Variants in TUBB2B observed in about 807,000 individuals in gnomAD.
TUBB2B encodes the protein tubulin beta-2B chain.
A neutral mutation model predicts 35.0 loss-of-function variants in TUBB2B; 5 were observed. That is an observed-to-expected ratio of 0.14 (90% CI 0.07 to 0.30). TUBB2B has a LOEUF of 0.30. Among genes scored for constraint, TUBB2B ranks in the 10% least tolerant of loss-of-function variants. The pLI, the probability that TUBB2B is intolerant of heterozygous loss-of-function variation, is 1.00. For synonymous variants in TUBB2B, 166 were observed against 250.5 expected, an observed-to-expected ratio of 0.66 and a Z score of 3.18; for missense variants, 63 against 601.8, an observed-to-expected ratio of 0.10 and a Z score of 9.37.
rs752522339 is a variant in TUBB2B, at chr6:3,227,619, T to G, written c.-76A>C. 1.0e-5 allele frequency: 16 copies of G among 1,579,546 alleles called. No homozygotes were observed. The highest frequency in any genetic ancestry group is 1.3e-5 in the Non-Finnish European group (15 of 1,162,384). On this transcript the variant is annotated 5_prime_UTR_variant, in exon 1 of 4. Coordinates refer to ENST00000259818, the MANE Select transcript of TUBB2B (RefSeq NM_178012.5). This position sits in a 1 kb window ranked among gnomAD's most constrained non-coding sequence, Gnocchi z 7.8. Reference sequence around the variant, plus strand: ...CTCCCCTCACACACCCACTGCGGGGTCACCGGGAAGGCGCTCGGGAACCGA... The same window carrying G: ...CTCCCCTCACACACCCACTGCGGGGGCACCGGGAAGGCGCTCGGGAACCGA...
In TUBB2B at chr6:3,224,856, G is replaced by A. The variant is rs1422580679; in HGVS notation, c.1233C>T (p.Ala411=). 1.9e-6 allele frequency: 3 copies of A among 1,609,512 alleles called. No individual in the cohort carries two copies. Among genetic ancestry groups the A allele is most frequent in the African/African-American group, 2.7e-5 (2 of 73,696 alleles). ...ACACCAGGTCGTTCATGTTGCTCTC[G>A]GCCTCGGTGAACTCCATCTCGTCCA... ...EGMDEMEFTE[A]ESNMNDLVSE... The change falls in exon 4 of 4, where the codon GCC becomes GCT. Residue 411 remains alanine, a synonymous_variant. Transcript: ENST00000259818.
At position 3,226,126 on chromosome 6, in the gene TUBB2B, T is replaced by TCC. The variant is rs749112405; in HGVS notation, c.277+31_277+32dup. On this transcript the variant is annotated intron_variant, in intron 3 of 3. Coordinates refer to ENST00000259818, the MANE Select transcript of TUBB2B (RefSeq NM_178012.5). The surrounding 1 kb of genome is among the most constrained non-coding windows in gnomAD (Gnocchi z 5.5). ...CCTCCACTGCCCAGCGTAAAATGAA[T>TCC]CCCTCATGCTCTCAGCCACACCAGG... The TCC allele has an allele frequency of 6.3e-7, 1 of 1,579,526 alleles. No homozygotes were observed. Among genetic ancestry groups the TCC allele is most frequent in the South Asian group, 1.1e-5 (1 of 90,264 alleles).
At position 3,226,077 on chromosome 6, in the gene TUBB2B, C is replaced by G. The variant is rs528743674; in HGVS notation, c.277+82G>C. ...CACCGCGGATGTTCTTCATGCTTTCCCTCTGGCAATCACACCTCTTCAGCC... is the reference window on the plus strand; with the variant it reads ...CACCGCGGATGTTCTTCATGCTTTCGCTCTGGCAATCACACCTCTTCAGCC... On this transcript the variant is annotated intron_variant, in intron 3 of 3. Coordinates refer to ENST00000259818, the MANE Select transcript of TUBB2B (RefSeq NM_178012.5). This position sits in a 1 kb window ranked among gnomAD's most constrained non-coding sequence, Gnocchi z 5.5. 3.5e-6 allele frequency: 5 copies of G among 1,428,690 alleles called. No individual in the cohort carries two copies. The East Asian group carries it at 6.8e-5, about 20-fold the overall frequency. The allele number at this position is 1,428,690 out of a possible 1,614,324, so 88.5% of individuals were successfully genotyped here.
chr6:3,225,886 A>G, intron 3 of TUBB2B, 75 bp from the exon 4 acceptor site: 2 of 1,595,578 alleles, frequency 1.3e-6, no homozygotes, highest in Non-Finnish European at 1.7e-6. Context: ...CTCAATATAG[A>G]TCAGTGAGTC....
At position 3,226,057 on chromosome 6, in the gene TUBB2B, C is replaced by G. The variant is rs1757284102; in HGVS notation, c.277+102G>C. On this transcript the variant is annotated intron_variant, in intron 3 of 3. Coordinates refer to ENST00000259818, the MANE Select transcript of TUBB2B (RefSeq NM_178012.5). This position sits in a 1 kb window ranked among gnomAD's most constrained non-coding sequence, Gnocchi z 5.5. ...ATATTAAAGCTAAGTTGGCACACCGCGGATGTTCTTCATGCTTTCCCTCTG... is the reference window on the plus strand; with the variant it reads ...ATATTAAAGCTAAGTTGGCACACCGGGGATGTTCTTCATGCTTTCCCTCTG... 3 of 1,378,448 alleles carry G rather than the reference C, an allele frequency of 2.2e-6. No homozygotes were observed. The highest frequency in any genetic ancestry group is 3.1e-6 in the Non-Finnish European group (3 of 973,592). The allele number at this position is 1,378,448 out of a possible 1,614,324, so 85.4% of individuals were successfully genotyped here. A position where few individuals can be genotyped will look rare whatever the true frequency, so the allele number is the denominator to read the frequency against.
chr6:3,225,273 G>C lies in TUBB2B; in HGVS notation c.816C>G (p.Pro272=). The part of the protein sequence containing the change: ...RLHFFMPGFA[P]LTSRGSQQYR... ...ACTGCTGGCTGCCCCGGCTGGTCAG[G>C]GGCGCGAAGCCGGGCATGAAGAAGT... is the stretch of plus-strand genomic sequence containing the variant. The change falls in exon 4 of 4, where the codon CCC becomes CCG. Residue 272 remains proline, a synonymous_variant. Transcript: ENST00000259818. 1 of 1,485,656 alleles carries C rather than the reference G, an allele frequency of 6.7e-7. No homozygotes were observed. The highest frequency in any genetic ancestry group is 9.0e-7 in the Non-Finnish European group (1 of 1,111,806). The allele number at this position is 1,485,656 out of a possible 1,614,324, so 92.0% of individuals were successfully genotyped here.
chr6:3,226,131 C>G lies in TUBB2B; in HGVS notation c.277+28G>C. 6.3e-7 allele frequency: 1 copy of G among 1,593,038 alleles called. No homozygotes were observed. The highest frequency in any genetic ancestry group is 8.6e-7 in the Non-Finnish European group (1 of 1,161,728). ...ACTGCCCAGCGTAAAATGAATCCCT[C>G]ATGCTCTCAGCCACACCAGGCACTC... On this transcript the variant is annotated intron_variant, in intron 3 of 3. Transcript: ENST00000259818. This position sits in a 1 kb window ranked among gnomAD's most constrained non-coding sequence, Gnocchi z 5.5.
In TUBB2B at chr6:3,226,069, A is replaced by G; in HGVS notation, c.277+90T>C. On this transcript the variant is annotated intron_variant, in intron 3 of 3. Coordinates refer to ENST00000259818, the MANE Select transcript of TUBB2B (RefSeq NM_178012.5). The surrounding 1 kb of genome is among the most constrained non-coding windows in gnomAD (Gnocchi z 5.5). ...AGTTGGCACACCGCGGATGTTCTTC[A>G]TGCTTTCCCTCTGGCAATCACACCT... The G allele has an allele frequency of 1.4e-6, 2 of 1,413,614 alleles. No homozygotes were observed. The highest frequency in any genetic ancestry group is 1.0e-6 in the Non-Finnish European group (1 of 1,002,860). 87.6% of individuals were successfully genotyped at this position (1,413,614 alleles called of 1,614,324 possible).
chr6:3,227,353 G>C lies in TUBB2B; in HGVS notation c.57+134C>G. The C allele has an allele frequency of 8.3e-7, 1 of 1,199,176 alleles. No individual in the cohort carries two copies. Among genetic ancestry groups the C allele is most frequent in the Non-Finnish European group, 1.2e-6 (1 of 857,900 alleles). 74.3% of individuals were successfully genotyped at this position (1,199,176 alleles called of 1,614,324 possible). ...TCACCTCCTAGCCCAGGCCACACTC[G>C]GCGGCACAAAGCGGCCAGGAAGGTC... On this transcript the variant is annotated intron_variant, in intron 1 of 3. Transcript: ENST00000259818. The surrounding 1 kb of genome is among the most constrained non-coding windows in gnomAD (Gnocchi z 7.8).
chr6:3,227,514 G>T lies in TUBB2B; in HGVS notation c.30C>A (p.Gly10=). 1 of 1,609,990 alleles carries T rather than the reference G, an allele frequency of 6.2e-7. No homozygotes were observed. Residue 10 remains glycine, a synonymous_variant, in exon 1 of 4, where the codon GGC becomes GGA. Coordinates refer to ENST00000259818, the MANE Select transcript of TUBB2B (RefSeq NM_178012.5). This position sits in a 1 kb window ranked among gnomAD's most constrained non-coding sequence, Gnocchi z 7.8. MREIVHIQA[G]QCGNQIGAKF... is the part of the protein sequence containing the mutation. ...TGGCGCCGATCTGGTTGCCGCACTG[G>T]CCCGCCTGGATGTGCACGATCTCAC... is the stretch of plus-strand genomic sequence containing the variant.
chr6:3,226,067 T>C lies in TUBB2B; in HGVS notation c.277+92A>G, dbSNP rs1757284137. 1 of 1,411,200 alleles carries C rather than the reference T, an allele frequency of 7.1e-7. No individual in the cohort carries two copies. The allele number at this position is 1,411,200 out of a possible 1,614,324, so 87.4% of individuals were successfully genotyped here. The stretch of plus-strand genomic sequence containing the variant: ...TAAGTTGGCACACCGCGGATGTTCT[T>C]CATGCTTTCCCTCTGGCAATCACAC... On this transcript the variant is annotated intron_variant, in intron 3 of 3. Transcript: ENST00000259818. This position sits in a 1 kb window ranked among gnomAD's most constrained non-coding sequence, Gnocchi z 5.5.
In TUBB2B at chr6:3,226,418, A is replaced by G. The variant is rs1757288339; in HGVS notation, c.166+143T>C. On this transcript the variant is annotated intron_variant, in intron 2 of 3. Transcript: ENST00000259818. This position sits in a 1 kb window ranked among gnomAD's most constrained non-coding sequence, Gnocchi z 5.5. ...GGGCTCTGTTGGCATAAGGAAGCCC[A>G]ATGAAATACTGCAGGGAAAGAGCGG... 9.7e-7 allele frequency: 1 copy of G among 1,035,272 alleles called. No homozygotes were observed. The highest frequency in any genetic ancestry group is 1.6e-5 in the African/African-American group (1 of 63,830). 64.1% of individuals were successfully genotyped at this position (1,035,272 alleles called of 1,614,324 possible).
rs1469771855 is a variant in TUBB2B at position 3,226,310 on chromosome 6, C to T, written c.167-41G>A. 5.1e-6 allele frequency: 8 copies of T among 1,564,470 alleles called. No homozygotes were observed. Among genetic ancestry groups the T allele is most frequent in the Non-Finnish European group, 1.8e-6 (2 of 1,136,562 alleles). On this transcript the variant is annotated intron_variant, in intron 2 of 3. Coordinates refer to ENST00000259818, the MANE Select transcript of TUBB2B (RefSeq NM_178012.5). The surrounding 1 kb of genome is among the most constrained non-coding windows in gnomAD (Gnocchi z 5.5). ...GTGACTTAGACCCTCAGGCAAGGAC[C>T]TCTGCAGAGAAGGGCTTGGCGCCTG...
Position 3,227,350 on chromosome 6 carries a change from C to A in TUBB2B, c.57+137G>T. On this transcript the variant is annotated intron_variant, in intron 1 of 3. Coordinates refer to ENST00000259818, the MANE Select transcript of TUBB2B (RefSeq NM_178012.5). The surrounding 1 kb of genome is among the most constrained non-coding windows in gnomAD (Gnocchi z 7.8). The stretch of plus-strand genomic sequence containing the variant: ...AAGTCACCTCCTAGCCCAGGCCACA[C>A]TCGGCGGCACAAAGCGGCCAGGAAG... 2 of 1,182,416 alleles carry A rather than the reference C, an allele frequency of 1.7e-6. No individual in the cohort carries two copies. The highest frequency in any genetic ancestry group is 2.4e-6 in the Non-Finnish European group (2 of 844,000). The allele number at this position is 1,182,416 out of a possible 1,614,324, so 73.2% of individuals were successfully genotyped here. A position where few individuals can be genotyped will look rare whatever the true frequency, so the allele number is the denominator to read the frequency against.
At position 3,224,743 on chromosome 6, in the gene TUBB2B, G is replaced by T; in HGVS notation, c.*8C>A. ...CTCCGCTTTCCCTAACCCGTCTCGC[G>T]GGGGCATCTACGCCTCGTCCTCGCC... On this transcript the variant is annotated 3_prime_UTR_variant, in exon 4 of 4. Coordinates refer to ENST00000259818, the MANE Select transcript of TUBB2B (RefSeq NM_178012.5). 1 of 1,613,764 alleles carries T rather than the reference G, an allele frequency of 6.2e-7. No homozygotes were observed. Among genetic ancestry groups the T allele is most frequent in the Non-Finnish European group, 8.5e-7 (1 of 1,179,862 alleles).
In TUBB2B at chr6:3,226,507, A is replaced by C; in HGVS notation, c.166+54T>G. The stretch of plus-strand genomic sequence containing the variant: ...CACCCCTGGGGTCCCACGCAAGGGA[A>C]AGGGGAGAAGGTGGAAAAACTGAAG... On this transcript the variant is annotated intron_variant, in intron 2 of 3. Coordinates refer to ENST00000259818, the MANE Select transcript of TUBB2B (RefSeq NM_178012.5). This position sits in a 1 kb window ranked among gnomAD's most constrained non-coding sequence, Gnocchi z 5.5. 6.6e-7 allele frequency: 1 copy of C among 1,518,174 alleles called. No homozygotes were observed. The highest frequency in any genetic ancestry group is 9.2e-7 in the Non-Finnish European group (1 of 1,092,652). The allele number at this position is 1,518,174 out of a possible 1,614,324, so 94.0% of individuals were successfully genotyped here. A position where few individuals can be genotyped will look rare whatever the true frequency, so the allele number is the denominator to read the frequency against.
chr6:3,225,171 G>A lies in TUBB2B; in HGVS notation c.918C>T (p.Arg306=), dbSNP rs1757272959. 9.9e-7 allele frequency: 1 copy of A among 1,006,240 alleles called. No homozygotes were observed. Among genetic ancestry groups the A allele is most frequent in the Non-Finnish European group, 1.4e-6 (1 of 724,416 alleles). The allele number at this position is 1,006,240 out of a possible 1,614,324, so 62.3% of individuals were successfully genotyped here. A position where few individuals can be genotyped will look rare whatever the true frequency, so the allele number is the denominator to read the frequency against. ...SKNMMAACDP[R]HGRYLTVAAI... ...CAGCCACCGTCAGGTAGCGGCCGTG[G>A]CGCGGGTCGCAGGCGGCCATCATGT... Residue 306 remains arginine, a synonymous_variant, in exon 4 of 4, where the codon CGC becomes CGT. Coordinates refer to ENST00000259818, the MANE Select transcript of TUBB2B (RefSeq NM_178012.5).
Position 3,226,047 on chromosome 6 carries a change from T to C in TUBB2B, c.277+112A>G, listed in dbSNP as rs549108190. 1 of 1,353,754 alleles carries C rather than the reference T, an allele frequency of 7.4e-7. No individual in the cohort carries two copies. Among genetic ancestry groups the C allele is most frequent in the South Asian group, 1.2e-5 (1 of 83,416 alleles). The allele number at this position is 1,353,754 out of a possible 1,614,324, so 83.9% of individuals were successfully genotyped here. On this transcript the variant is annotated intron_variant, in intron 3 of 3. Coordinates refer to ENST00000259818, the MANE Select transcript of TUBB2B (RefSeq NM_178012.5). This position sits in a 1 kb window ranked among gnomAD's most constrained non-coding sequence, Gnocchi z 5.5. ...ATTTTACACTATATTAAAGCTAAGTTGGCACACCGCGGATGTTCTTCATGC... is the reference window on the plus strand; with the variant it reads ...ATTTTACACTATATTAAAGCTAAGTCGGCACACCGCGGATGTTCTTCATGC...
chr6:3,225,942 C>G, intron 3 of TUBB2B, 131 bp from the exon 4 acceptor site: 2 of 1,487,312 alleles, frequency 1.3e-6, no homozygotes, highest in South Asian at 1.2e-5. Flanking sequence ...AATGGCCAAA[C>G]GTTAAAATAT....
Sources: gnomAD v4.1 joint callset for allele counts on GRCh38, gnomAD v4.1.1 for gene constraint, Gnocchi (gnomAD v3.1) non-coding constraint, MANE v1.5 for transcripts, NCBI Gene and HGNC (gene_info 2026-07-23, HGNC 2026-07-21) for gene names.